Variants in PIGB observed in about 807,000 individuals in gnomAD.
PIGB encodes GPI alpha-1,2-mannosyltransferase 3.
Under a neutral mutation model 68.4 loss-of-function variants are expected in PIGB, and 58 were observed. That is an observed-to-expected ratio of 0.85 (90% confidence interval 0.69 to 1.06). The LOEUF (loss-of-function observed/expected upper bound fraction) is 1.06. PIGB is among the 50% of genes least tolerant of loss of function. The pLI is 0.00. For synonymous variants in PIGB, 219 were observed against 220.5 expected (o/e 0.99, Z 0.06); for missense variants, 634 against 655.8 (o/e 0.97, Z 0.36).
At position 55,336,597 on chromosome 15, in the gene PIGB, G is replaced by C. The variant is rs143295952; in HGVS notation, c.794+2590G>C. Among the ~76,000 whole-genome samples the C allele has an allele frequency of 6.9e-3, 1,057 of 152,292 alleles. 21 individuals are homozygous for C. Among genetic ancestry groups the C allele is most frequent in the African/African-American group, 0.024 (1,013 of 41,542 alleles). On this transcript the variant is annotated intron_variant, in intron 6 of 11. Coordinates refer to ENST00000164305, the MANE Select transcript of PIGB (RefSeq NM_004855.5). ...ATTCATTGAATACTGTACTGAAAGT[G>C]AAAAACAGAATGGCTGTATGGGTAC... is the stretch of plus-strand genomic sequence containing the variant.
Position 55,340,659 on chromosome 15 carries a change from C to T in PIGB, c.894C>T (p.Asn298=), listed in dbSNP as rs1162356815. 2 of 1,612,836 alleles carry T rather than the reference C, an allele frequency of 1.2e-6. No homozygotes were observed. The highest frequency in any genetic ancestry group is 1.7e-6 in the Non-Finnish European group (2 of 1,179,510). Residue 298 remains asparagine, a synonymous_variant, in exon 8 of 12, where the codon AAC becomes AAT. Coordinates refer to ENST00000164305, the MANE Select transcript of PIGB (RefSeq NM_004855.5). The part of the protein sequence containing the change: ...FNFLKFNVLQ[N]WGTFYGSHPW... Reference sequence around the variant, plus strand: ...TTTTGAAATTTAACGTGCTGCAGAACTGGGGAACATTTTATGGTTCTCATC... The same window carrying T: ...TTTTGAAATTTAACGTGCTGCAGAATTGGGGAACATTTTATGGTTCTCATC...
chr15:55,354,903 A>G lies in PIGB; in HGVS notation c.1443A>G (p.Leu481=), dbSNP rs753827201. 9 of 1,613,410 alleles carry G rather than the reference A, an allele frequency of 5.6e-6. No individual in the cohort carries two copies. Among genetic ancestry groups the G allele is most frequent in the Non-Finnish European group, 6.8e-6 (8 of 1,179,628 alleles). Residue 481 remains leucine (L), a synonymous_variant, in exon 11 of 12, where the codon TTA becomes TTG. Coordinates refer to ENST00000164305, the MANE Select transcript of PIGB (RefSeq NM_004855.5). ...DEADVFYLNP[L]NWLHREFHDD... is the part of the protein sequence containing the mutation. ...CAGATGTATTTTACCTAAATCCCTT[A>G]AACTGGTTACATAGAGAGTTTCATG...
rs141465430 is a variant in PIGB at position 55,348,127 on chromosome 15, C to T, written c.1124-2572C>T. 4.2e-3 allele frequency among the ~76,000 whole-genome samples: 638 copies of T among 151,908 alleles called. 2 individuals carry two copies. The highest frequency in any genetic ancestry group is 0.011 in the Admixed American group (161 of 15,238). On this transcript the variant is annotated intron_variant, in intron 9 of 11. Transcript: ENST00000164305. ...CCTCAGCCTGCCTCAGCTGGGACTA[C>T]AGGCATGCGCCTCCACACCTAGCTA...
At chr15:55,332,883 C>A (rs1000440719) in intron 5 of PIGB, among the ~76,000 whole-genome samples, 1 of 152,140 alleles carries the variant, frequency 6.6e-6, no homozygotes, top group East Asian at 1.9e-4. Context: ...GTATTTCTAT[C>A]CATGATCATA....
intron 3 of PIGB, 129 bp downstream of exon 3, chr15:55,321,519 CT>C (rs2055162710): frequency 6.3e-6 from 4 of 636,034 alleles, no homozygotes; most frequent in Non-Finnish European, 1.0e-5. Flanking sequence ...ATGTGTAACT[CT>C]TTAGTTTGTG....
intron 3 of PIGB, among the ~76,000 whole-genome samples, chr15:55,324,579 T>C (rs1253603969): frequency 6.6e-6 from 1 of 152,240 alleles, no homozygotes; most frequent in Non-Finnish European, 1.5e-5. Context: ...CACTTTGTAA[T>C]TTATTAATAT....
intron 6 of PIGB, among the ~76,000 whole-genome samples, chr15:55,338,961 GA>G (rs1279278541): frequency 6.6e-6 from 1 of 152,132 alleles, no homozygotes; most frequent in African/African-American, 2.4e-5. Context: ...TGATCCACAG[GA>G]ACTATGAAAT....
At chr15:55,355,253 CCTTT>C in intron 11 of PIGB, 29 bp from the exon 12 acceptor site, 3 of 1,554,986 alleles carry the variant, frequency 1.9e-6, no homozygotes, top group Non-Finnish European at 2.6e-6. Flanking sequence ...CAAAATGTAG[CCTTT>C]ATTTACTTAA....
chr15:55,323,885 T>C (rs1336606442), intron 3 of PIGB, among the ~76,000 whole-genome samples: 1 of 152,114 alleles, frequency 6.6e-6, no homozygotes, highest in African/African-American at 2.4e-5. Context: ...ACAGTAAGGT[T>C]TGTTGGGTTT....
intron 9 of PIGB, among the ~76,000 whole-genome samples, chr15:55,345,626 G>A (rs187385280): frequency 2.0e-5 from 3 of 152,282 alleles, no homozygotes; most frequent in Admixed American, 1.3e-4. Flanking sequence ...GGGTGTGGTG[G>A]CACGCACCTG....
chr15:55,337,211 A>G (rs2055557479), intron 6 of PIGB, among the ~76,000 whole-genome samples: 1 of 152,234 alleles, frequency 6.6e-6, no homozygotes, highest in Non-Finnish European at 1.5e-5. Flanking sequence ...AATGGCTAAA[A>G]TGATGTGGAA....
chr15:55,345,616 G>A (rs561777498), intron 9 of PIGB, among the ~76,000 whole-genome samples: 1 of 152,272 alleles, frequency 6.6e-6, no homozygotes, highest in African/African-American at 2.4e-5. Context: ...AAAATTAGCT[G>A]GGTGTGGTGG....
At chr15:55,324,592 G>A (rs576982583) in intron 3 of PIGB, among the ~76,000 whole-genome samples, 17 of 152,156 alleles carry the variant, frequency 1.1e-4, no homozygotes, top group African/African-American at 2.9e-4. Flanking sequence ...ATTAATATCC[G>A]TCTTAAAATG....
chr15:55,347,096 T>C (rs2055811217), intron 9 of PIGB, among the ~76,000 whole-genome samples: 1 of 152,258 alleles, frequency 6.6e-6, no homozygotes, highest in South Asian at 2.1e-4. Flanking sequence ...TTTCTTTATA[T>C]GTCAAATGCA....
chr15:55,340,379 C>A (rs935135765), intron 7 of PIGB: 14 of 228,006 alleles, frequency 6.1e-5, no homozygotes, highest in Non-Finnish European at 9.4e-5. Context: ...TGGCGTGAAC[C>A]CGCGAGGCGG....
intron 9 of PIGB, 138 bp from the exon 10 acceptor site, chr15:55,350,561 T>C (rs1483201308): frequency 1.1e-5 from 7 of 659,912 alleles, no homozygotes; most frequent in Admixed American, 2.7e-5. Context: ...GTCAGAGATA[T>C]GACTTATTGC....
Position 55,327,566 on chromosome 15 carries a change from T to A in PIGB, c.453T>A (p.Ser151=). The A allele has an allele frequency of 6.2e-7, 1 of 1,612,188 alleles. No homozygotes were observed. The highest frequency in any genetic ancestry group is 1.3e-5 in the African/African-American group (1 of 74,996). ...CTAGACTTGCCCAAGCACTTCTGTC[T>A]GCTGTAGCAGATGTGAGACTTTACT... ...WIPRLAQALL[S]AVADVRLYSL... is the part of the protein sequence containing the mutation. The change falls in exon 4 of 12, where the codon TCT becomes TCA. Residue 151 remains serine, a synonymous_variant. Transcript: ENST00000164305.
chr15:55,325,688 G>A lies in PIGB; in HGVS notation c.418-1843G>A, dbSNP rs138109962. Among the ~76,000 whole-genome samples the A allele has an allele frequency of 5.6e-3, 848 of 151,848 alleles. 7 individuals are homozygous for A. Among genetic ancestry groups the A allele is most frequent in the Middle Eastern group, 0.045 (13 of 292 alleles). ...TCCTAGCACTTTGGGAGGCTGAGGC[G>A]GGCAGATCACAAGGTCACGAGATCA... On this transcript the variant is annotated intron_variant, in intron 3 of 11. Coordinates refer to ENST00000164305, the MANE Select transcript of PIGB (RefSeq NM_004855.5).
intron 2 of PIGB, among the ~76,000 whole-genome samples, chr15:55,320,786 C>G (rs963323678): frequency 1.4e-4 from 22 of 152,046 alleles, no homozygotes; most frequent in African/African-American, 5.3e-4. Context: ...AAAGAGAAAC[C>G]ACAGATAAGG....
Sources: allele counts gnomAD v4.1 joint callset (sites outside exome capture counted in the v4.1 genomes callset), GRCh38; gene constraint gnomAD v4.1.1; transcripts MANE v1.5; gene names NCBI Gene and HGNC (gene_info 2026-07-23, HGNC 2026-07-21).